The following C1orf21 variants were observed in gnomAD, a reference collection of about 807,000 sequenced individuals.
C1orf21 encodes chromosome 1 open reading frame 21.
In C1orf21, 3 loss-of-function variants were observed where a neutral mutation model predicts 18.7. The ratio of observed to expected loss-of-function variants is 0.16; its 90% CI spans 0.07 to 0.42. The LOEUF (loss-of-function observed/expected upper bound fraction) is 0.42. C1orf21 is among the 10% of genes least tolerant of loss of function. The pLI, the probability that C1orf21 is intolerant of heterozygous loss-of-function variation, is 0.99. For missense variants in C1orf21, 104 were observed against 143.6 expected (o/e 0.72, Z 1.41); for synonymous variants, 41 against 46.4 (o/e 0.88, Z 0.47).
chr1:184,486,532 T>C (rs1206385011), intron 2 of C1orf21, among the ~76,000 whole-genome samples: 1 of 152,172 alleles, frequency 6.6e-6, no homozygotes, highest in Non-Finnish European at 1.5e-5. Flanking sequence ...CTGAGTAGAC[T>C]GGCCCCACCT....
chr1:184,505,881 T>G (rs1658054251), intron 2 of C1orf21, among the ~76,000 whole-genome samples: 1 of 152,140 alleles, frequency 6.6e-6, no homozygotes, highest in Non-Finnish European at 1.5e-5. Context: ...TTTTTTACCT[T>G]TTATTTTTAT....
intron 2 of C1orf21, among the ~76,000 whole-genome samples, chr1:184,489,222 G>GA (rs773448681): frequency 3.3e-5 from 5 of 152,002 alleles, no homozygotes; most frequent in Admixed American, 6.6e-5. Flanking sequence ...ATGACTAATA[G>GA]AAAAAGACCC....
At chr1:184,488,071 A>G (rs1228162566) in intron 2 of C1orf21, among the ~76,000 whole-genome samples, 1 of 152,220 alleles carries the variant, frequency 6.6e-6, no homozygotes, top group Admixed American at 6.5e-5. Flanking sequence ...TTGTAGATGT[A>G]TAATTCTCTA....
At chr1:184,444,916 T>C (rs963969456) in intron 1 of C1orf21, among the ~76,000 whole-genome samples, 17 of 152,152 alleles carry the variant, frequency 1.1e-4, no homozygotes, top group Non-Finnish European at 2.4e-4. Flanking sequence ...CTTCCTCTCC[T>C]GTTGTATCCT....
intron 1 of C1orf21, among the ~76,000 whole-genome samples, chr1:184,419,913 T>G (rs1303902260): frequency 6.6e-6 from 1 of 152,074 alleles, no homozygotes; most frequent in Non-Finnish European, 1.5e-5. Flanking sequence ...AGGGCTTTGG[T>G]TTTTACTCAG....
chr1:184,414,012 A>G (rs1656406821), intron 1 of C1orf21, among the ~76,000 whole-genome samples: 1 of 152,198 alleles, frequency 6.6e-6, no homozygotes. Flanking sequence ...CAATAACATA[A>G]TATTTATGTA....
At chr1:184,533,504 G>A (rs915935691) in intron 3 of C1orf21, among the ~76,000 whole-genome samples, 4 of 152,082 alleles carry the variant, frequency 2.6e-5, no homozygotes, top group Non-Finnish European at 4.4e-5. Context: ...TAATACTTCC[G>A]GTAGATCCAA....
intron 1 of C1orf21, chr1:184,412,321 C>A (rs928540361): frequency 7.9e-5 from 12 of 152,248 alleles, no homozygotes; most frequent in African/African-American, 2.9e-4. Flanking sequence ...TAATGTGAAC[C>A]TGTTTCCATG....
chr1:184,470,212 G>A (rs1657474024), intron 1 of C1orf21, among the ~76,000 whole-genome samples: 1 of 152,054 alleles, frequency 6.6e-6, no homozygotes, highest in African/African-American at 2.4e-5. Flanking sequence ...GGGCCCTCTG[G>A]GCAAGCTGAT....
chr1:184,590,512 G>A (rs1659422043), intron 3 of C1orf21, among the ~76,000 whole-genome samples: 1 of 152,184 alleles, frequency 6.6e-6, no homozygotes, highest in Non-Finnish European at 1.5e-5. Context: ...TCTAAACAGA[G>A]TCATAGTTGT....
chr1:184,446,857 T>TG (rs1055149976), intron 1 of C1orf21, among the ~76,000 whole-genome samples: 7 of 150,866 alleles, frequency 4.6e-5, no homozygotes, highest in African/African-American at 1.7e-4. Flanking sequence ...CGTGGTTTTT[T>TG]TTTTTTTTTT....
At chr1:184,450,262 T>G (rs1657102270) in intron 1 of C1orf21, among the ~76,000 whole-genome samples, 2 of 152,130 alleles carry the variant, frequency 1.3e-5, no homozygotes, top group African/African-American at 4.8e-5. Flanking sequence ...CCACACTGAA[T>G]GCAGGCTTCT....
intron 1 of C1orf21, among the ~76,000 whole-genome samples, chr1:184,433,619 T>A (rs923230643): frequency 1.3e-5 from 2 of 152,204 alleles, no homozygotes; most frequent in African/African-American, 4.8e-5. Context: ...TTTTTAGTTG[T>A]CACATTATAA....
intron 5 of C1orf21, among the ~76,000 whole-genome samples, chr1:184,604,256 A>G (rs970254700): frequency 6.6e-6 from 1 of 152,158 alleles, no homozygotes; most frequent in African/African-American, 2.4e-5. Flanking sequence ...CCCACCAATG[A>G]TAAGAAAACC....
chr1:184,521,220 T>C (rs761820407), intron 3 of C1orf21, among the ~76,000 whole-genome samples: 8 of 152,174 alleles, frequency 5.3e-5, no homozygotes, highest in Non-Finnish European at 7.4e-5. Context: ...AAAATAGATC[T>C]GAATTTCTTA....
At chr1:184,409,414 T>G (rs907391198) in intron 1 of C1orf21, among the ~76,000 whole-genome samples, 6 of 152,126 alleles carry the variant, frequency 3.9e-5, no homozygotes, top group African/African-American at 1.4e-4. Context: ...ATGGGAAGAT[T>G]GCAGAAAATG....
chr1:184,464,971 G>A lies in C1orf21; in HGVS notation c.-124-12415G>A, dbSNP rs556080339. ...TTTTAAAGAGAGAAGGGATCTTGCC[G>A]TGTTGCCCAGGCTGATCAGGAACTC... On this transcript the variant is annotated intron_variant, in intron 1 of 5. Transcript: ENST00000235307. Among the ~76,000 whole-genome samples the A allele has an allele frequency of 2.6e-5, 4 of 152,038 alleles. No homozygotes were observed. The South Asian group carries it at 6.2e-4, about 24-fold the overall frequency.
chr1:184,503,416 G>C (rs1165318271), intron 2 of C1orf21, among the ~76,000 whole-genome samples: 1 of 151,900 alleles, frequency 6.6e-6, no homozygotes, highest in East Asian at 1.9e-4. Context: ...GTTATCTGTG[G>C]TCAGTCAAGT....
At chr1:184,563,861 ACTGT>A (rs1461691665) in intron 3 of C1orf21, among the ~76,000 whole-genome samples, 2 of 152,154 alleles carry the variant, frequency 1.3e-5, no homozygotes, top group Admixed American at 6.5e-5. Context: ...AGAATATTTA[ACTGT>A]CTGGTGAATT....
Sources: allele counts gnomAD v4.1 joint callset (sites outside exome capture counted in the v4.1 genomes callset), GRCh38; gene constraint gnomAD v4.1.1; transcripts MANE v1.5; gene names NCBI Gene and HGNC (gene_info 2026-07-23, HGNC 2026-07-21).